MPP7: variants seen among roughly 807,000 people sequenced by gnomAD.
The protein encoded by MPP7 is MAGUK p55 subfamily member 7.
Under a neutral mutation model 76.5 loss-of-function variants are expected in MPP7, and 60 were observed. The ratio of observed to expected loss-of-function variants is 0.78; its 90% CI spans 0.64 to 0.97. MPP7 has a LOEUF of 0.97. Ranked by LOEUF, MPP7 falls within the 50% of genes least tolerant of loss-of-function variation. The pLI, the probability that MPP7 is intolerant of heterozygous loss-of-function variation, is 0.00. For synonymous variants in MPP7, 237 were observed against 244.5 expected, an observed-to-expected ratio of 0.97 and a Z score of 0.29; for missense variants, 641 against 694.0, an observed-to-expected ratio of 0.92 and a Z score of 0.86.
intron 1 of MPP7, among the ~76,000 whole-genome samples, chr10:28,333,908 G>A (rs1834493068): frequency 6.6e-6 from 1 of 152,078 alleles, no homozygotes; most frequent in Non-Finnish European, 1.5e-5. Context: ...TAGTAGCCAA[G>A]GGGGCCGGCT....
rs755606994 is a variant in MPP7 at position 28,120,277 on chromosome 10, A to T, written c.804T>A (p.Asp268Glu). Residue 268 changes from aspartate (D) to glutamate (E), a missense_variant, in exon 10 of 17, where the codon GAT becomes GAA. Physicochemically the swap from Asp to Glu is conservative, Grantham distance 45. Transcript: ENST00000683449. ...GTTTCGCTTGCCACCAAGTTGCATC[A>T]TCTTGGCTCATAATCTGAAGAATAT... ...KGDILQIMSQ[D>E]DATWWQAKHE... 6 of 1,613,970 alleles carry T rather than the reference A, an allele frequency of 3.7e-6. No homozygotes were observed. The highest frequency in any genetic ancestry group is 5.1e-6 in the Non-Finnish European group (6 of 1,179,982).
chr10:28,108,823 G>T (rs1047564307), intron 11 of MPP7, among the ~76,000 whole-genome samples: 2 of 152,094 alleles, frequency 1.3e-5, no homozygotes, highest in Non-Finnish European at 2.9e-5. Flanking sequence ...TTAATGCCTT[G>T]AGCAATTTCT....
At chr10:28,235,518 T>C (rs754406390) in intron 2 of MPP7, among the ~76,000 whole-genome samples, 24 of 152,108 alleles carry the variant, frequency 1.6e-4, no homozygotes, top group Non-Finnish European at 2.8e-4. Context: ...ATTAAAAATA[T>C]ACATGGAAAG....
intron 1 of MPP7, among the ~76,000 whole-genome samples, chr10:28,252,963 A>G (rs1181396181): frequency 6.6e-6 from 1 of 151,814 alleles, no homozygotes; most frequent in East Asian, 1.9e-4. Flanking sequence ...GCTGGCATGC[A>G]GTGGCACTAT....
At chr10:28,168,258 C>T (rs996629765) in intron 3 of MPP7, among the ~76,000 whole-genome samples, 1 of 152,078 alleles carries the variant, frequency 6.6e-6, no homozygotes, top group Non-Finnish European at 1.5e-5. Flanking sequence ...TTTTCTATAT[C>T]TACTGGCCCC....
chr10:28,117,578 T>C (rs1834700697), intron 11 of MPP7, among the ~76,000 whole-genome samples: 1 of 152,100 alleles, frequency 6.6e-6, no homozygotes, highest in African/African-American at 2.4e-5. Flanking sequence ...GTGGATCAGA[T>C]GGCCTTTACA....
At chr10:28,142,434 A>G (rs923982779) in intron 5 of MPP7, among the ~76,000 whole-genome samples, 18 of 152,194 alleles carry the variant, frequency 1.2e-4, no homozygotes, top group African/African-American at 4.3e-4. Context: ...AAAGCTAAAA[A>G]AGAATATTAG....
chr10:28,159,197 A>T (rs184861199), intron 3 of MPP7, among the ~76,000 whole-genome samples: 11 of 152,304 alleles, frequency 7.2e-5, no homozygotes, highest in Admixed American at 7.2e-4. Context: ...GATTGGAGAA[A>T]ATTAAAACTC....
chr10:28,208,063 C>G (rs1838005610), intron 2 of MPP7, among the ~76,000 whole-genome samples: 1 of 152,182 alleles, frequency 6.6e-6, no homozygotes, highest in South Asian at 2.1e-4. Flanking sequence ...CTAAAGAATA[C>G]CTAGGACTGA....
At chr10:28,260,012 G>T (rs1257137345) in intron 1 of MPP7, among the ~76,000 whole-genome samples, 1 of 152,050 alleles carries the variant, frequency 6.6e-6, no homozygotes, top group Admixed American at 6.6e-5. Flanking sequence ...AAAGCATAGT[G>T]CTTAAAACAA....
intron 12 of MPP7, among the ~76,000 whole-genome samples, chr10:28,086,635 G>A (rs1588746029): frequency 6.6e-6 from 1 of 152,286 alleles, no homozygotes; most frequent in African/African-American, 2.4e-5. Context: ...CTGGAATGAT[G>A]CTGTGATATT....
At chr10:28,058,182 T>A (rs552789234) in intron 15 of MPP7, among the ~76,000 whole-genome samples, 1 of 152,382 alleles carries the variant, frequency 6.6e-6, no homozygotes, top group African/African-American at 2.4e-5. Context: ...AACAATGTGA[T>A]GTATTTTTTA....
At chr10:28,272,939 A>T (rs1840373454) in intron 1 of MPP7, among the ~76,000 whole-genome samples, 1 of 152,032 alleles carries the variant, frequency 6.6e-6, no homozygotes, top group South Asian at 2.1e-4. Flanking sequence ...TGTTTTTGAG[A>T]TGGAGTCTCA....
intron 6 of MPP7, among the ~76,000 whole-genome samples, chr10:28,129,492 C>G (rs1835124494): frequency 6.6e-6 from 1 of 151,808 alleles, no homozygotes; most frequent in Non-Finnish European, 1.5e-5. Context: ...AAATTTATCT[C>G]CTATAGAATT....
chr10:28,303,115 G>T (rs188407537), upstream of MPP7, among the ~76,000 whole-genome samples: 2,633 of 152,274 alleles, frequency 0.017, 85 homozygotes, highest in African/African-American at 0.06. Context: ...GGCGGGGCGG[G>T]GCTGCACCGC....
At chr10:28,261,482 A>AT (rs1419641345) in intron 1 of MPP7, among the ~76,000 whole-genome samples, 1 of 152,214 alleles carries the variant, frequency 6.6e-6, no homozygotes. Flanking sequence ...AAATGTGGTC[A>AT]TAAGTGGGAC....
At chr10:28,302,802 C>G (rs530733809) in intron 1 of MPP7, among the ~76,000 whole-genome samples, 59 bp downstream of exon 1, 5 of 152,214 alleles carry the variant, frequency 3.3e-5, no homozygotes, top group Middle Eastern at 3.4e-3. Flanking sequence ...GGGGGCCGAC[C>G]CCACCGCCCG....
chr10:28,262,971 G>A (rs964525721), intron 1 of MPP7, among the ~76,000 whole-genome samples: 6 of 152,232 alleles, frequency 3.9e-5, no homozygotes, highest in South Asian at 2.1e-4. Context: ...CACGAGAATC[G>A]CTTGAACCCA....
intron 11 of MPP7, chr10:28,118,661 T>C (rs1834733218): frequency 1.0e-5 from 10 of 985,414 alleles, no homozygotes; most frequent in Non-Finnish European, 1.1e-5. Context: ...AGGGTTTTTT[T>C]CCTTGTGCCT....
Sources: allele counts gnomAD v4.1 joint callset (sites outside exome capture counted in the v4.1 genomes callset), GRCh38; gene constraint gnomAD v4.1.1; transcripts MANE v1.5; gene names NCBI Gene and HGNC (gene_info 2026-07-23, HGNC 2026-07-21).